The following CORIN variants were observed in gnomAD, a reference collection of about 807,000 sequenced individuals.
CORIN encodes corin, serine peptidase.
A neutral mutation model predicts 125.3 loss-of-function variants in CORIN; 117 were observed. That is an observed-to-expected ratio of 0.93 (90% CI 0.80 to 1.09). The LOEUF (loss-of-function observed/expected upper bound fraction) is 1.09, where lower values mean the gene tolerates loss of function less well. CORIN is among the 50% of genes least tolerant of loss of function. The pLI is 0.00. For missense variants in CORIN, 1,253 were observed against 1,306.7 expected (o/e 0.96, Z 0.63); for synonymous variants, 450 against 466.4 (o/e 0.96, Z 0.45).
intron 2 of CORIN, among the ~76,000 whole-genome samples, chr4:47,787,341 AC>A (rs1393615937): frequency 6.6e-6 from 1 of 152,108 alleles, no homozygotes; most frequent in Admixed American, 6.5e-5. Flanking sequence ...GCTACTCAGG[AC>A]CCAGGACATG....
At chr4:47,738,075 C>T (rs1375234998) in intron 5 of CORIN, among the ~76,000 whole-genome samples, 2 of 152,006 alleles carry the variant, frequency 1.3e-5, no homozygotes, top group East Asian at 3.9e-4. Context: ...AGAAGCTAAC[C>T]AGAAAAATTA....
intron 3 of CORIN, among the ~76,000 whole-genome samples, chr4:47,765,141 C>T (rs1043288869): frequency 9.2e-5 from 14 of 151,970 alleles, no homozygotes; most frequent in African/African-American, 3.4e-4. Flanking sequence ...GAAACCCCAT[C>T]TCTACTAAAA....
intron 3 of CORIN, among the ~76,000 whole-genome samples, chr4:47,771,880 C>A (rs1381392348): frequency 6.6e-6 from 1 of 152,142 alleles, no homozygotes; most frequent in Non-Finnish European, 1.5e-5. Context: ...CTAAGTTATA[C>A]AAAAATATGT....
At chr4:47,703,542 C>A (rs1249271196) in intron 5 of CORIN, among the ~76,000 whole-genome samples, 2 of 152,160 alleles carry the variant, frequency 1.3e-5, no homozygotes, top group Non-Finnish European at 2.9e-5. Context: ...TTTAAACTTA[C>A]ACTATCTGCG....
At chr4:47,785,909 C>CAA (rs11313881) in intron 3 of CORIN, among the ~76,000 whole-genome samples, 33 of 80,458 alleles carry the variant, frequency 4.1e-4, no homozygotes, top group African/African-American at 6.2e-4. Flanking sequence ...GACTCCATCT[C>CAA]AAAAAAAAAA....
intron 2 of CORIN, among the ~76,000 whole-genome samples, chr4:47,806,007 A>C (rs1283177435): frequency 6.6e-6 from 1 of 152,250 alleles, no homozygotes; most frequent in Non-Finnish European, 1.5e-5. Context: ...TCAAACTTTA[A>C]GTATCATTCA....
Position 47,653,855 on chromosome 4 carries a change from C to T in CORIN, c.1736-195G>A, listed in dbSNP as rs61760482. On this transcript the variant is annotated intron_variant, in intron 12 of 21. Coordinates refer to ENST00000273857, the MANE Select transcript of CORIN (RefSeq NM_006587.4). ...CTTTCTCCTTCATTCTTGGCCTCAT[C>T]CCTCTAGATACGCGGTTTAACATCT... Among the ~76,000 whole-genome samples the T allele has an allele frequency of 3.0e-3, 455 of 152,346 alleles. 1 individual carries two copies. Among genetic ancestry groups the T allele is most frequent in the Non-Finnish European group, 4.9e-3 (330 of 68,036 alleles).
Position 47,623,714 on chromosome 4 carries a change from G to T in CORIN, c.2397C>A (p.Asn799Lys). Residue 799 changes from asparagine to lysine, a missense_variant, in exon 19 of 22, where the codon AAC becomes AAA. Physicochemically the swap from Asn to Lys is moderately conservative, Grantham distance 94. Transcript: ENST00000273857. Reference protein sequence around the residue: ...DCGRRPAARMNKRILGGRTSR... With the variant: ...DCGRRPAARMKKRILGGRTSR... ...TCGTCCGACCTCCAAGGATCCTTTT[G>T]TTCATTCGGGCAGCAGGGCGGCGCC... 6.2e-7 allele frequency: 1 copy of T among 1,614,220 alleles called. No homozygotes were observed.
At chr4:47,812,817 C>T (rs909543187) in intron 1 of CORIN, among the ~76,000 whole-genome samples, 5 of 152,130 alleles carry the variant, frequency 3.3e-5, no homozygotes, top group African/African-American at 1.2e-4. Flanking sequence ...TAAACACTTA[C>T]TGAATAAATG....
At chr4:47,646,015 C>A (rs971855683) in intron 13 of CORIN, among the ~76,000 whole-genome samples, 2 of 129,996 alleles carry the variant, frequency 1.5e-5, no homozygotes, top group Non-Finnish European at 3.1e-5. Flanking sequence ...GTGGCACGTT[C>A]TTGGCTCACC....
At chr4:47,757,867 CAT>C (rs1274991991) in intron 4 of CORIN, among the ~76,000 whole-genome samples, 22 of 91,738 alleles carry the variant, frequency 2.4e-4, no homozygotes, top group African/African-American at 9.7e-4. Context: ...CATATATATA[CAT>C]ATATATATGT....
intron 2 of CORIN, among the ~76,000 whole-genome samples, chr4:47,800,090 G>A (rs1731473599): frequency 6.6e-6 from 1 of 152,084 alleles, no homozygotes; most frequent in South Asian, 2.1e-4. Context: ...GGGGTGAGGA[G>A]ATGGGGAGAG....
At position 47,642,943 on chromosome 4, in the gene CORIN, T is replaced by A. The variant is rs995726310; in HGVS notation, c.2068+203A>T. On this transcript the variant is annotated intron_variant, in intron 15 of 21. Coordinates refer to ENST00000273857, the MANE Select transcript of CORIN (RefSeq NM_006587.4). ...ACGTTTTTCCATACAATATAGATAT[T>A]TCAAATAGAGAAGTAGCTTCGTGGG... 5.2e-6 allele frequency: 8 copies of A among 1,533,992 alleles called. No homozygotes were observed. The African/African-American group carries it at 8.2e-5, about 16-fold the overall frequency.
At chr4:47,600,177 T>G in intron 21 of CORIN, 37 bp downstream of exon 21, 2 of 1,580,776 alleles carry the variant, frequency 1.3e-6, no homozygotes, top group Admixed American at 1.7e-5. Context: ...AAGTTATTGT[T>G]GAACTGAATC....
At chr4:47,738,945 T>G (rs1382546090) in intron 5 of CORIN, among the ~76,000 whole-genome samples, 1 of 151,806 alleles carries the variant, frequency 6.6e-6, no homozygotes, top group Non-Finnish European at 1.5e-5. Flanking sequence ...CTAGAAAGAC[T>G]TAACAGCAGA....
rs768149511 is a variant in CORIN at position 47,677,923 on chromosome 4, G to C, written c.1249+15C>G. The C allele has an allele frequency of 6.4e-7, 1 of 1,559,428 alleles. No homozygotes were observed. Among genetic ancestry groups the C allele is most frequent in the Non-Finnish European group, 8.8e-7 (1 of 1,130,136 alleles). ...ACCAGTAAAGGAATGTTCTGGGGTG[G>C]TGGGACACACTTACTGACGCTGCAG... is the stretch of plus-strand genomic sequence containing the variant. On this transcript the variant is annotated intron_variant, in intron 9 of 21. Coordinates refer to ENST00000273857, the MANE Select transcript of CORIN (RefSeq NM_006587.4).
intron 3 of CORIN, 77 bp from the exon 4 acceptor site, chr4:47,763,663 T>C: frequency 7.6e-7 from 1 of 1,316,928 alleles, no homozygotes; most frequent in Middle Eastern, 2.2e-4. Context: ...AATATTTGTT[T>C]ATAAGATAAA....
chr4:47,697,728 TAAAATAAAAATG>T (rs1421481109), intron 5 of CORIN, among the ~76,000 whole-genome samples: 1 of 150,524 alleles, frequency 6.6e-6, no homozygotes, highest in East Asian at 2.0e-4. Flanking sequence ...AAAAATAAAA[TAAAATAAAAATG>T]AAAATAAAAA....
At chr4:47,727,333 G>A (rs905916335) in intron 5 of CORIN, among the ~76,000 whole-genome samples, 2 of 151,898 alleles carry the variant, frequency 1.3e-5, no homozygotes, top group Non-Finnish European at 2.9e-5. Context: ...CACAATTGAT[G>A]CCAAACTCTG....
Sources: gnomAD v4.1 joint callset for allele counts (sites outside exome capture counted in the v4.1 genomes callset) on GRCh38, gnomAD v4.1.1 for gene constraint, MANE v1.5 for transcripts, NCBI Gene and HGNC (gene_info 2026-07-23, HGNC 2026-07-21) for gene names.